The following SLC35F3 variants were observed in gnomAD, a reference collection of about 807,000 sequenced individuals.
The protein encoded by SLC35F3 is solute carrier family 35 member F3, also known as putative thiamine transporter SLC35F3.
In SLC35F3, 25 loss-of-function variants were observed where a neutral mutation model predicts 49.9. The observed-to-expected ratio is 0.50, with a 90% CI of 0.37 to 0.70. The LOEUF (loss-of-function observed/expected upper bound fraction) is 0.70, where lower values mean the gene tolerates loss of function less well. Among genes scored for constraint, SLC35F3 ranks in the 30% least tolerant of loss-of-function variants. The pLI, the probability that SLC35F3 is intolerant of heterozygous loss-of-function variation, is 0.00. For synonymous variants in SLC35F3, 275 were observed against 265.4 expected (o/e 1.04, Z -0.35); for missense variants, 525 against 639.8 (o/e 0.82, Z 1.94).
chr1:234,093,381 A>G (rs942865321), intron 2 of SLC35F3, among the ~76,000 whole-genome samples: 5 of 152,208 alleles, frequency 3.3e-5, no homozygotes, highest in African/African-American at 4.8e-5. Flanking sequence ...AATATCATCA[A>G]TGATAGCCTC....
intron 2 of SLC35F3, among the ~76,000 whole-genome samples, chr1:233,980,336 A>C (rs574000439): frequency 6.6e-6 from 1 of 152,216 alleles, no homozygotes; most frequent in Admixed American, 6.5e-5. Context: ...TGATGATGCC[A>C]ACGACAATGA....
At chr1:234,040,006 C>T (rs1004787078) in intron 2 of SLC35F3, among the ~76,000 whole-genome samples, 16 of 152,252 alleles carry the variant, frequency 1.1e-4, no homozygotes, top group African/African-American at 3.9e-4. Context: ...TGGGTACCAG[C>T]ACTTGGTGGG....
intron 2 of SLC35F3, among the ~76,000 whole-genome samples, chr1:234,093,647 C>T (rs1259565077): frequency 6.6e-6 from 1 of 152,206 alleles, no homozygotes; most frequent in East Asian, 1.9e-4. Flanking sequence ...GAGGAAATTG[C>T]AAGATTCTCA....
At position 233,905,677 on chromosome 1, in the gene SLC35F3, G is replaced by C. The variant is rs940230046; in HGVS notation, c.202G>C (p.Val68Leu). 4 of 1,614,082 alleles carry C rather than the reference G, an allele frequency of 2.5e-6. No homozygotes were observed. The highest frequency in any genetic ancestry group is 3.4e-6 in the Non-Finnish European group (4 of 1,180,040). Residue 68 changes from valine (V) to leucine (L), a missense_variant, in exon 2 of 8, where the codon GTG (valine) becomes CTG (leucine). By Grantham distance (32) the Val-to-Leu change is conservative (BLOSUM62 1). Around this residue, in one of 4 missense-constraint regions of SLC35F3, gnomAD observed 228 missense variants for 218.9 expected, o/e 1.04. Coordinates refer to ENST00000366618, the MANE Select transcript of SLC35F3 (RefSeq NM_173508.4). ...CGTGGAGGATCTCACCAGCGGGCCG[G>C]TGGGGCTCACGTCCATCGAGGAGCG... ...RSVEDLTSGP[V>L]GLTSIEERIL...
In SLC35F3 at chr1:234,140,002, A is replaced by AATAAAAAT; in HGVS notation, c.284-91415_284-91414insATAAAAAT. Among the ~76,000 whole-genome samples, 37 of 105,346 alleles carry AATAAAAAT rather than the reference A, an allele frequency of 3.5e-4. 1 individual carries two copies. Among genetic ancestry groups the AATAAAAAT allele is most frequent in the Middle Eastern group, 5.2e-3 (1 of 192 alleles). 69.1% of individuals were successfully genotyped at this position (105,346 alleles called of 152,430 possible). A position where few individuals can be genotyped will look rare whatever the true frequency, so the allele number is the denominator to read the frequency against. ...AATAAAATAAAATAAAATAAAATAA[A>AATAAAAAT]GTAAGTGACTTGAACACAAGTACTG... On this transcript the variant is annotated intron_variant, in intron 2 of 7. Transcript: ENST00000366618.
intron 2 of SLC35F3, among the ~76,000 whole-genome samples, chr1:234,090,078 G>T (rs1469386894): frequency 6.6e-6 from 1 of 152,248 alleles, no homozygotes; most frequent in Admixed American, 6.5e-5. Context: ...TTTAAACAAG[G>T]CTCTTTGGTG....
intron 7 of SLC35F3, among the ~76,000 whole-genome samples, chr1:234,322,177 G>C (rs1043028067): frequency 1.3e-5 from 2 of 148,272 alleles, no homozygotes; most frequent in African/African-American, 5.0e-5. Flanking sequence ...TTGTGTGACA[G>C]AGTGAGACCC....
chr1:234,108,441 TAAAAGATATA>T, intron 2 of SLC35F3, among the ~76,000 whole-genome samples: 1 of 117,068 alleles, frequency 8.5e-6, no homozygotes, highest in African/African-American at 3.5e-5. Flanking sequence ...AAGATATATA[TAAAAGATATA>T]TATTATTTAT....
intron 3 of SLC35F3, among the ~76,000 whole-genome samples, chr1:234,253,500 C>G (rs1329297187): frequency 6.7e-6 from 1 of 149,868 alleles, no homozygotes; most frequent in East Asian, 1.9e-4. Flanking sequence ...CTTGAATATT[C>G]ATTTAAAACC....
At chr1:234,310,614 C>A (rs1353775155) in intron 4 of SLC35F3, among the ~76,000 whole-genome samples, 1 of 152,176 alleles carries the variant, frequency 6.6e-6, no homozygotes, top group African/African-American at 2.4e-5. Flanking sequence ...TGCTGAAGAT[C>A]TGAATGTCCT....
At chr1:234,187,631 A>G (rs767007645) in intron 2 of SLC35F3, among the ~76,000 whole-genome samples, 1 of 152,186 alleles carries the variant, frequency 6.6e-6, no homozygotes, top group Non-Finnish European at 1.5e-5. Context: ...CCGCCCATGA[A>G]CGCGTGCCCT....
At chr1:234,144,295 TC>T (rs1455198550) in intron 2 of SLC35F3, among the ~76,000 whole-genome samples, 1 of 152,168 alleles carries the variant, frequency 6.6e-6, no homozygotes, top group Non-Finnish European at 1.5e-5. Flanking sequence ...CTGCAGGGTG[TC>T]CTCAGTTTCC....
chr1:234,261,445 C>T (rs533385901), intron 3 of SLC35F3, among the ~76,000 whole-genome samples: 28 of 152,216 alleles, frequency 1.8e-4, no homozygotes, highest in African/African-American at 6.5e-4. Context: ...CTGGATGTTG[C>T]CGTGGCATTT....
chr1:234,241,254 G>T (rs1184076830), intron 3 of SLC35F3, among the ~76,000 whole-genome samples: 3 of 152,010 alleles, frequency 2.0e-5, no homozygotes, highest in African/African-American at 7.3e-5. Context: ...TGCGGCACAG[G>T]GGTACATACA....
intron 2 of SLC35F3, among the ~76,000 whole-genome samples, chr1:234,205,228 C>T (rs1334707090): frequency 6.6e-6 from 1 of 152,192 alleles, no homozygotes; most frequent in Non-Finnish European, 1.5e-5. Flanking sequence ...GTGGGCCGCA[C>T]TCTGAGGTAA....
chr1:234,020,330 A>G (rs2102842503), intron 2 of SLC35F3, among the ~76,000 whole-genome samples: 1 of 152,284 alleles, frequency 6.6e-6, no homozygotes, highest in African/African-American at 2.4e-5. Context: ...ACTTCTTAAG[A>G]GGACATATTT....
rs149142671 is a variant in SLC35F3 at position 234,259,948 on chromosome 1, A to T, written c.608+28207A>T. Among the ~76,000 whole-genome samples the T allele has an allele frequency of 2.3e-4, 35 of 152,294 alleles. No homozygotes were observed. In the East Asian group the frequency reaches 6.8e-3, roughly 29 times the overall value. On this transcript the variant is annotated intron_variant, in intron 3 of 7. Coordinates refer to ENST00000366618, the MANE Select transcript of SLC35F3 (RefSeq NM_173508.4). The stretch of plus-strand genomic sequence containing the variant: ...TTCAGACCCCTTTCATTAAGAGTTA[A>T]TTTTGATAGAGATTAAACTGCCCCT...
intron 2 of SLC35F3, among the ~76,000 whole-genome samples, chr1:233,970,979 GAGA>G (rs1411856719): frequency 6.6e-6 from 1 of 152,320 alleles, no homozygotes; most frequent in Admixed American, 6.5e-5. Context: ...GGCACTGAAT[GAGA>G]AGAATTGTTT....
intron 3 of SLC35F3, among the ~76,000 whole-genome samples, chr1:234,233,694 C>G (rs928451168): frequency 6.6e-6 from 1 of 152,180 alleles, no homozygotes; most frequent in Non-Finnish European, 1.5e-5. Flanking sequence ...AAAAAGTGCT[C>G]AAAAAGAATC....
Sources: allele counts gnomAD v4.1 joint callset (sites outside exome capture counted in the v4.1 genomes callset), GRCh38; gene constraint gnomAD v4.1.1; regional missense constraint gnomAD v4.1.1; transcripts MANE v1.5; gene names NCBI Gene and HGNC (gene_info 2026-07-23, HGNC 2026-07-21).